Variants in VWA5B1 observed in about 807,000 individuals in gnomAD.
VWA5B1 encodes von Willebrand factor A domain-containing protein 5B1.
In VWA5B1, 115 loss-of-function variants were observed where a neutral mutation model predicts 118.2. The ratio of observed to expected loss-of-function variants is 0.97; its 90% CI spans 0.84 to 1.14. The LOEUF (loss-of-function observed/expected upper bound fraction) is 1.14, where lower values mean the gene tolerates loss of function less well. Ranked by LOEUF, VWA5B1 falls within the 50% of genes most tolerant of loss-of-function variation. The pLI is 0.00. For missense variants in VWA5B1, 1,596 were observed against 1,603.8 expected, an observed-to-expected ratio of 1.00 and a Z score of 0.08; for synonymous variants, 682 against 658.4, an observed-to-expected ratio of 1.04 and a Z score of -0.55.
At position 20,343,398 on chromosome 1, in the gene VWA5B1, G is replaced by A; in HGVS notation, c.2626+5G>A. 1 of 1,516,520 alleles carries A rather than the reference G, an allele frequency of 6.6e-7. No individual in the cohort carries two copies. Among genetic ancestry groups the A allele is most frequent in the South Asian group, 1.3e-5 (1 of 79,844 alleles). The allele number at this position is 1,516,520 out of a possible 1,614,324, so 93.9% of individuals were successfully genotyped here. A position where few individuals can be genotyped will look rare whatever the true frequency, so the allele number is the denominator to read the frequency against. Reference sequence around the variant, plus strand: ...GCGAGGGCGAGATCGAGCAGGGTGAGCGCCACGGAACTGCGCCCCTCCCGC... The same window carrying A: ...GCGAGGGCGAGATCGAGCAGGGTGAACGCCACGGAACTGCGCCCCTCCCGC... On this transcript the variant is annotated splice_donor_5th_base_variant and intron_variant, in intron 16 of 21. Transcript: ENST00000289815.
Position 20,314,598 on chromosome 1 carries a change from G to A in VWA5B1, c.563+6G>A, listed in dbSNP as rs1266819909. 1 of 1,550,816 alleles carries A rather than the reference G, an allele frequency of 6.4e-7. No individual in the cohort carries two copies. ...TCCAACCAACAGGCCCAGGGGTAAG[G>A]AAGCCCTGCCCAGACCAATCAGAGT... On this transcript the variant is annotated splice_donor_region_variant and intron_variant, in intron 4 of 21. Transcript: ENST00000289815.
chr1:20,325,319 GCT>G (rs2089345046), intron 8 of VWA5B1, among the ~76,000 whole-genome samples: 1 of 152,200 alleles, frequency 6.6e-6, no homozygotes, highest in Non-Finnish European at 1.5e-5. Context: ...CCACCGATTT[GCT>G]CTGTGACTGT....
At chr1:20,317,749 GGTGGGAA>G in intron 5 of VWA5B1, 74 bp downstream of exon 5, 1 of 1,288,628 alleles carries the variant, frequency 7.8e-7, no homozygotes, top group Non-Finnish European at 1.1e-6. Context: ...ATGGGACGGG[GGTGGGAA>G]GGAAAGCCAA....
At chr1:20,302,884 G>T (rs2088537004) in intron 1 of VWA5B1, among the ~76,000 whole-genome samples, 1 of 152,190 alleles carries the variant, frequency 6.6e-6, no homozygotes. Flanking sequence ...GAGACGTAGC[G>T]AGAGGTCTTG....
At chr1:20,293,458 C>T (rs540935717) in intron 1 of VWA5B1, among the ~76,000 whole-genome samples, 2 of 152,316 alleles carry the variant, frequency 1.3e-5, no homozygotes, top group African/African-American at 4.8e-5. Flanking sequence ...TTTCGGATAC[C>T]GGTTGTCCTC....
intron 14 of VWA5B1, among the ~76,000 whole-genome samples, chr1:20,340,580 C>G (rs2089850086): frequency 6.6e-6 from 1 of 152,230 alleles, no homozygotes; most frequent in South Asian, 2.1e-4. Context: ...GCCTAAAAAA[C>G]TGTTACACCT....
chr1:20,353,664 G>A lies in VWA5B1; in HGVS notation c.3142-93G>A, dbSNP rs527589045. ...TGAAAATCCCCCAGGCAGGCAGGGT[G>A]GGGTGGGCAACATGGATCCAGACTT... On this transcript the variant is annotated intron_variant, in intron 21 of 21. Coordinates refer to ENST00000289815, the MANE Select transcript of VWA5B1 (RefSeq NM_001039500.3). 1.4e-4 allele frequency: 196 copies of A among 1,413,162 alleles called. 1 individual carries two copies. The South Asian group carries it at 3.0e-3, about 22-fold the overall frequency. The allele number at this position is 1,413,162 out of a possible 1,614,324, so 87.5% of individuals were successfully genotyped here.
At chr1:20,310,240 G>A (rs79551248) in intron 1 of VWA5B1, among the ~76,000 whole-genome samples, 2,917 of 152,148 alleles carry the variant, frequency 0.019, 93 homozygotes, top group African/African-American at 0.066. Context: ...TCCCCTCCCC[G>A]CGTGGTCTGT....
At chr1:20,331,055 T>G (rs2089539592) in intron 11 of VWA5B1, 72 bp downstream of exon 11, 4 of 1,308,914 alleles carry the variant, frequency 3.1e-6, no homozygotes, top group Non-Finnish European at 4.2e-6. Flanking sequence ...ACATGGCAAC[T>G]CAGTGGTGGA....
rs1328487510 is a variant in VWA5B1 at position 20,355,495 on chromosome 1, C to A, written c.*1232C>A. On this transcript the variant is annotated 3_prime_UTR_variant, in exon 22 of 22. Transcript: ENST00000289815. ...ACCAAGGAACCCCACCAGCTTGGGACTTCAGGCTGAATCTATCCACCCTCG... is the reference window on the plus strand; with the variant it reads ...ACCAAGGAACCCCACCAGCTTGGGAATTCAGGCTGAATCTATCCACCCTCG... Among the ~76,000 whole-genome samples, 1 of 152,228 alleles carries A rather than the reference C, an allele frequency of 6.6e-6. No homozygotes were observed. The highest frequency in any genetic ancestry group is 2.4e-5 in the African/African-American group (1 of 41,474).
chr1:20,357,423 A>G lies in VWA5B1; in HGVS notation c.*3160A>G, dbSNP rs377216350. On this transcript the variant is annotated 3_prime_UTR_variant, in exon 22 of 22. Transcript: ENST00000289815. Reference sequence around the variant, plus strand: ...GAAAGACAAACTTCTTTAGATTAGGACAACCTGACCCGTTAATATGTTACT... The same window carrying G: ...GAAAGACAAACTTCTTTAGATTAGGGCAACCTGACCCGTTAATATGTTACT... Among the ~76,000 whole-genome samples, 14 of 152,356 alleles carry G rather than the reference A, an allele frequency of 9.2e-5. No individual in the cohort carries two copies. The East Asian group carries it at 1.7e-3, about 19-fold the overall frequency.
intron 9 of VWA5B1, 46 bp downstream of exon 9, chr1:20,328,046 G>C: frequency 6.6e-7 from 1 of 1,517,944 alleles, no homozygotes; most frequent in Non-Finnish European, 9.0e-7. Flanking sequence ...TGCATGGTGG[G>C]GAGCAGAGGA....
intron 1 of VWA5B1, among the ~76,000 whole-genome samples, chr1:20,293,881 G>A (rs532133141): frequency 5.6e-4 from 85 of 152,346 alleles, no homozygotes; most frequent in Non-Finnish European, 9.0e-4. Flanking sequence ...ATGGATGGAT[G>A]TGGCTACGTG....
rs1351511120 is a variant in VWA5B1 at position 20,348,269 on chromosome 1, C to T, written c.2789C>T (p.Ser930Phe). 11 of 1,551,698 alleles carry T rather than the reference C, an allele frequency of 7.1e-6. No individual in the cohort carries two copies. Among genetic ancestry groups the T allele is most frequent in the African/African-American group, 1.4e-5 (1 of 73,176 alleles). The change falls in exon 18 of 22, where the codon TCT (serine) becomes TTT (phenylalanine). Residue 930 changes from serine to phenylalanine, a missense_variant. By Grantham distance (155) the Ser-to-Phe change is radical (BLOSUM62 -2). Transcript: ENST00000289815. ...GGAGCTGCCCTGCGTATGCTTGGCTCTCGGGCCCTGGCCCAACAGTGGAGG... is the reference window on the plus strand; with the variant it reads ...GGAGCTGCCCTGCGTATGCTTGGCTTTCGGGCCCTGGCCCAACAGTGGAGG... ...NSGAALRMLG[S>F]RALAQQWRGT...
In VWA5B1 at chr1:20,345,517, C is replaced by T. The variant is rs2089988586; in HGVS notation, c.2688C>T (p.Ser896=). Residue 896 remains serine (S), a synonymous_variant, in exon 17 of 22, where the codon AGC becomes AGT. Coordinates refer to ENST00000289815, the MANE Select transcript of VWA5B1 (RefSeq NM_001039500.3). ...LHTSKACNII[S]KYTAFVPVDV... ...CCAGCAAGGCCTGCAACATCATTAG[C>T]AAATACACAGCCTTCGTGCCTGTGG... 1 of 1,551,174 alleles carries T rather than the reference C, an allele frequency of 6.4e-7. No homozygotes were observed. Among genetic ancestry groups the T allele is most frequent in the South Asian group, 1.2e-5 (1 of 84,070 alleles).
At chr1:20,318,918 C>G (rs1324494401) in intron 6 of VWA5B1, among the ~76,000 whole-genome samples, 197 bp downstream of exon 6, 1 of 152,162 alleles carries the variant, frequency 6.6e-6, no homozygotes, top group Non-Finnish European at 1.5e-5. Flanking sequence ...AATCGAGTGT[C>G]TCCTGCCCTG....
At chr1:20,350,834 T>C (rs1307831610) in intron 19 of VWA5B1, 23 bp from the exon 20 acceptor site, 2 of 1,551,322 alleles carry the variant, frequency 1.3e-6, no homozygotes, top group Non-Finnish European at 1.7e-6. Flanking sequence ...AGGTCTCAAC[T>C]TGGTCATTCT....
intron 9 of VWA5B1, among the ~76,000 whole-genome samples, chr1:20,329,287 C>CTTTT (rs10578067): frequency 1.1e-4 from 10 of 89,218 alleles, no homozygotes; most frequent in Admixed American, 1.5e-4. Context: ...TTTCTTTTCC[C>CTTTT]TTTTTTTTTT....
intron 11 of VWA5B1, 106 bp from the exon 12 acceptor site, chr1:20,332,659 GT>G (rs1423493849): frequency 1.6e-6 from 2 of 1,232,422 alleles, no homozygotes; most frequent in African/African-American, 3.0e-5. Flanking sequence ...AAGGCCTACT[GT>G]CCCCTCTTCC....
Sources: gnomAD v4.1 joint callset for allele counts (sites outside exome capture counted in the v4.1 genomes callset) on GRCh38, gnomAD v4.1.1 for gene constraint, MANE v1.5 for transcripts, NCBI Gene and HGNC (gene_info 2026-07-23, HGNC 2026-07-21) for gene names.